The following MYO18A variants were observed in gnomAD, a reference collection of about 807,000 sequenced individuals.
The protein encoded by MYO18A is unconventional myosin-XVIIIa.
A neutral mutation model predicts 235.8 loss-of-function variants in MYO18A; 78 were observed. The ratio of observed to expected loss-of-function variants is 0.33; its 90% CI spans 0.28 to 0.40. The LOEUF (loss-of-function observed/expected upper bound fraction) is 0.40. Ranked by LOEUF, MYO18A falls within the 10% of genes least tolerant of loss-of-function variation. MYO18A has a pLI of 1.00. For synonymous variants in MYO18A, 977 were observed against 1,077.8 expected (o/e 0.91, Z 1.83); for missense variants, 2,215 against 2,699.3 (o/e 0.82, Z 3.98).
At chr17:29,078,233 T>A (rs1274904618) in intron 41 of MYO18A, 1 of 152,240 alleles carries the variant, frequency 6.6e-6, no homozygotes, top group African/African-American at 2.4e-5. Context: ...GCCAGGCTGG[T>A]CTCAACTCCT....
At position 29,109,801 on chromosome 17, in the gene MYO18A, C is replaced by A; in HGVS notation, c.3331+57G>T. On this transcript the variant is annotated intron_variant, in intron 19 of 41. Transcript: ENST00000527372. The surrounding 1 kb of genome is among the most constrained non-coding windows in gnomAD (Gnocchi z 4.1). ...ACGGGTCGCAGGTGGGAGGTGGGGC[C>A]GGGCAGGGCCAGCTCTGGAAAAGAG... is the stretch of plus-strand genomic sequence containing the variant. 7 of 1,531,186 alleles carry A rather than the reference C, an allele frequency of 4.6e-6. 1 individual carries two copies. The South Asian group carries it at 8.5e-5, about 19-fold the overall frequency. The allele number at this position is 1,531,186 out of a possible 1,614,324, so 94.8% of individuals were successfully genotyped here.
At chr17:29,119,865 G>A (rs1483146984) in intron 7 of MYO18A, among the ~76,000 whole-genome samples, 3 of 151,502 alleles carry the variant, frequency 2.0e-5, no homozygotes, top group African/African-American at 4.9e-5. Flanking sequence ...CACCCAACCT[G>A]CATCTTGTTT....
chr17:29,098,850 T>C lies in MYO18A; in HGVS notation c.3756A>G (p.Ser1252=), dbSNP rs2066587260. The C allele has an allele frequency of 6.2e-7, 1 of 1,613,882 alleles. No individual in the cohort carries two copies. Among genetic ancestry groups the C allele is most frequent in the Admixed American group, 1.7e-5 (1 of 60,006 alleles). ...CGTCTTTGTTCCGGATCTGCTCCTCTGACAGCTGTACTTCGATGAGGGGCC... is the reference window on the plus strand; with the variant it reads ...CGTCTTTGTTCCGGATCTGCTCCTCCGACAGCTGTACTTCGATGAGGGGCC... ...TVRPLIEVQL[S]EEQIRNKDEE... The change falls in exon 23 of 42, where the codon TCA becomes TCG. Residue 1252 remains serine, a synonymous_variant. Transcript: ENST00000527372.
At position 29,175,094 on chromosome 17, in the gene MYO18A, G is replaced by A. The variant is rs530742861; in HGVS notation, c.-82+5219C>T. 1.3e-4 allele frequency among the ~76,000 whole-genome samples: 20 copies of A among 152,162 alleles called. No homozygotes were observed. In the South Asian group the frequency reaches 1.7e-3, roughly 13 times the overall value. On this transcript the variant is annotated intron_variant, in intron 1 of 41. Transcript: ENST00000527372. Reference sequence around the variant, plus strand: ...AATTTTAGAAGGGTCAAATAGACTTGTGTTTCATCCATATTTTAATTTTTT... The same window carrying A: ...AATTTTAGAAGGGTCAAATAGACTTATGTTTCATCCATATTTTAATTTTTT...
At chr17:29,130,204 G>A (rs1398492202) in intron 2 of MYO18A, among the ~76,000 whole-genome samples, 1 of 151,220 alleles carries the variant, frequency 6.6e-6, no homozygotes, top group South Asian at 2.1e-4. Flanking sequence ...GGAGGCTGAG[G>A]TGGGAGGATG....
chr17:29,116,016 C>T (rs1388838110), intron 11 of MYO18A, among the ~76,000 whole-genome samples, 176 bp from the exon 12 acceptor site: 2 of 152,180 alleles, frequency 1.3e-5, no homozygotes, highest in Non-Finnish European at 2.9e-5. Flanking sequence ...TCCTGTGTCC[C>T]GTGGGGATGG....
chr17:29,113,970 C>T (rs748710320), intron 15 of MYO18A, 41 bp downstream of exon 15: 43 of 1,487,204 alleles, frequency 2.9e-5, no homozygotes, highest in African/African-American at 5.6e-5. Context: ...GGGTGGGGAA[C>T]GAGAGGAAAG....
At chr17:29,113,643 C>T (rs2066986855) in intron 15 of MYO18A, among the ~76,000 whole-genome samples, 1 of 152,188 alleles carries the variant, frequency 6.6e-6, no homozygotes, top group Admixed American at 6.5e-5. Flanking sequence ...AGGCCCTCAC[C>T]AGCTGGGACT....
intron 1 of MYO18A, among the ~76,000 whole-genome samples, chr17:29,169,821 C>G (rs1276035575): frequency 6.6e-6 from 1 of 152,072 alleles, no homozygotes; most frequent in African/African-American, 2.4e-5. Context: ...GTCTATAATG[C>G]TTACCCAATC....
intron 22 of MYO18A, among the ~76,000 whole-genome samples, chr17:29,099,400 ACCTTTGCCTGGG>A (rs2066601448): frequency 1.3e-5 from 2 of 151,978 alleles, no homozygotes; most frequent in African/African-American, 4.8e-5. Context: ...TCCGGAGCCC[ACCTTTGCCTGGG>A]CCCTGATTCC....
Position 29,074,944 on chromosome 17 carries a change from C to A in MYO18A, c.6021-30G>T, listed in dbSNP as rs1368963137. On this transcript the variant is annotated intron_variant, in intron 41 of 41. Coordinates refer to ENST00000527372, the MANE Select transcript of MYO18A (RefSeq NM_078471.4). This position sits in a 1 kb window ranked among gnomAD's most constrained non-coding sequence, Gnocchi z 4.4. ...AGGGACCGAGGAATAAGGTTAGGGA[C>A]AAATGACACTCCTACCATTAAGCAC... 6.2e-6 allele frequency: 10 copies of A among 1,612,472 alleles called. No individual in the cohort carries two copies. In the South Asian group the frequency reaches 9.9e-5, roughly 16 times the overall value.
intron 14 of MYO18A, among the ~76,000 whole-genome samples, chr17:29,114,509 C>T (rs2152834772): frequency 6.6e-6 from 1 of 152,336 alleles, no homozygotes; most frequent in East Asian, 1.9e-4. Flanking sequence ...GTTCTCGTCC[C>T]ATCCGGGACA....
chr17:29,099,859 GAGTAC>G, intron 21 of MYO18A, 97 bp from the exon 22 acceptor site: 1 of 1,508,972 alleles, frequency 6.6e-7, no homozygotes, highest in Non-Finnish European at 8.9e-7. Context: ...GCAGGCCAGG[GAGTAC>G]AGCCCTTGGC....
At position 29,158,540 on chromosome 17, in the gene MYO18A, C is replaced by CAT. The variant is rs1270491767; in HGVS notation, c.999+7401_999+7402insAT. Among the ~76,000 whole-genome samples the CAT allele has an allele frequency of 2.6e-5, 4 of 152,162 alleles. No individual in the cohort carries two copies. Among genetic ancestry groups the CAT allele is most frequent in the South Asian group, 2.1e-4 (1 of 4,826 alleles). On this transcript the variant is annotated intron_variant, in intron 2 of 41. Transcript: ENST00000527372. This position sits in a 1 kb window ranked among gnomAD's most constrained non-coding sequence, Gnocchi z 4.3. ...GGCTGTCTGGCATGGTGGGCGCCCT[C>CAT]AGTGCTGCCAGATGCCTGGGGCACA...
At chr17:29,076,848 T>C (rs1295611004) in intron 41 of MYO18A, 1 of 152,168 alleles carries the variant, frequency 6.6e-6, no homozygotes, top group Non-Finnish European at 1.5e-5. Context: ...GACAGTGGGG[T>C]TACTTTGTGA....
chr17:29,111,335 G>A lies in MYO18A; in HGVS notation c.2900+89C>T. 1 of 1,443,338 alleles carries A rather than the reference G, an allele frequency of 6.9e-7. No individual in the cohort carries two copies. The highest frequency in any genetic ancestry group is 2.4e-5 in the East Asian group (1 of 41,108). 89.4% of individuals were successfully genotyped at this position (1,443,338 alleles called of 1,614,324 possible). A position where few individuals can be genotyped will look rare whatever the true frequency, so the allele number is the denominator to read the frequency against. On this transcript the variant is annotated intron_variant, in intron 17 of 41. Transcript: ENST00000527372. This position sits in a 1 kb window ranked among gnomAD's most constrained non-coding sequence, Gnocchi z 5.1. ...AAGGCCATCTACTTTGCTAGTGAGG[G>A]GGCCTCTGAGACAACCCCAGGGGGA...
intron 34 of MYO18A, among the ~76,000 whole-genome samples, chr17:29,092,046 T>C (rs1490514170): frequency 1.3e-5 from 2 of 152,336 alleles, no homozygotes; most frequent in East Asian, 1.9e-4. Flanking sequence ...TCAGCCACAT[T>C]AGCTGCCTTT....
chr17:29,118,481 C>T lies in MYO18A; in HGVS notation c.1830-41G>A, dbSNP rs1351145546. On this transcript the variant is annotated intron_variant, in intron 8 of 41. Coordinates refer to ENST00000527372, the MANE Select transcript of MYO18A (RefSeq NM_078471.4). The surrounding 1 kb of genome is among the most constrained non-coding windows in gnomAD (Gnocchi z 4.2). ...AGGCATCAGCACGGCACTTGGTCCCCATGCCAAGGCCATTTCCGCCCAGGG... is the reference window on the plus strand; with the variant it reads ...AGGCATCAGCACGGCACTTGGTCCCTATGCCAAGGCCATTTCCGCCCAGGG... 1.3e-6 allele frequency: 2 copies of T among 1,558,230 alleles called. No homozygotes were observed. The highest frequency in any genetic ancestry group is 1.8e-6 in the Non-Finnish European group (2 of 1,137,374).
rs1477532380 is a variant in MYO18A at position 29,107,195 on chromosome 17, G to A, written c.3332-6C>T. On this transcript the variant is annotated splice_region_variant and splice_polypyrimidine_tract_variant and intron_variant, in intron 19 of 41. Coordinates refer to ENST00000527372, the MANE Select transcript of MYO18A (RefSeq NM_078471.4). ...CACCATGTGGTCAGGGTAACCTAGA[G>A]AGAGCAGCCCAGAGCCAGGCCTGTC... The A allele has an allele frequency of 6.0e-5, 97 of 1,613,888 alleles. 1 individual carries two copies. Among genetic ancestry groups the A allele is most frequent in the Non-Finnish European group, 8.1e-5 (95 of 1,179,786 alleles).
Sources: allele counts gnomAD v4.1 joint callset (sites outside exome capture counted in the v4.1 genomes callset), GRCh38; gene constraint gnomAD v4.1.1; non-coding constraint Gnocchi (gnomAD v3.1); transcripts MANE v1.5; gene names NCBI Gene and HGNC (gene_info 2026-07-23, HGNC 2026-07-21).